Variants in CLCA2 observed in about 807,000 individuals in gnomAD.
The protein encoded by CLCA2 is chloride channel accessory 2.
A neutral mutation model predicts 82.9 loss-of-function variants in CLCA2; 85 were observed. The ratio of observed to expected loss-of-function variants is 1.03; its 90% CI spans 0.86 to 1.23. CLCA2 has a LOEUF of 1.23. Among genes scored for constraint, CLCA2 ranks in the 50% most tolerant of loss-of-function variants. CLCA2 has a pLI of 0.00. For synonymous variants in CLCA2, 421 were observed against 391.7 expected, an observed-to-expected ratio of 1.07 and a Z score of -0.88; for missense variants, 1,089 against 1,124.8, an observed-to-expected ratio of 0.97 and a Z score of 0.45.
chr1:86,441,461 A>G lies in CLCA2; in HGVS notation c.1406A>G (p.Asp469Gly). 1 of 1,607,982 alleles carries G rather than the reference A, an allele frequency of 6.2e-7. No individual in the cohort carries two copies. The highest frequency in any genetic ancestry group is 8.5e-7 in the Non-Finnish European group (1 of 1,175,384). ...GGAGGTTTAAAGTTCTTTGTTCCAG[A>G]TATATCAAACTCCAATAGCATGATT... ...LTGGLKFFVP[D>G]ISNSNSMIDA... Residue 469 changes from aspartate to glycine, a missense_variant, in exon 9 of 14, where the codon GAT (aspartate) becomes GGT (glycine). Transcript: ENST00000370565.
chr1:86,439,547 G>C (rs1381866590), intron 7 of CLCA2, among the ~76,000 whole-genome samples: 1 of 152,190 alleles, frequency 6.6e-6, no homozygotes, highest in Non-Finnish European at 1.5e-5. Flanking sequence ...ATTAAGGCCA[G>C]AAGTGTGTTT....
chr1:86,433,569 G>C (rs1428083206), intron 5 of CLCA2, among the ~76,000 whole-genome samples: 1 of 152,032 alleles, frequency 6.6e-6, no homozygotes, highest in East Asian at 1.9e-4. Context: ...CTATCTTCAC[G>C]ATGTTTTGAA....
At position 86,428,485 on chromosome 1, in the gene CLCA2, G is replaced by GAAA. The variant is rs1662431270; in HGVS notation, c.392_393insAAA (p.Gly131_Cys132insLys). On this transcript the variant is annotated inframe_insertion, in exon 3 of 14. Coordinates refer to ENST00000370565, the MANE Select transcript of CLCA2 (RefSeq NM_006536.7). ...GATCCATACACCCTACAATACAGAG[G>GAAA]GTGTGGAAAAGAGGGAAAATACATT... is the stretch of plus-strand genomic sequence containing the variant. The GAAA allele has an allele frequency of 6.2e-7, 1 of 1,613,548 alleles. No individual in the cohort carries two copies. The highest frequency in any genetic ancestry group is 1.3e-5 in the African/African-American group (1 of 74,856).
Position 86,455,447 on chromosome 1 carries a change from CTTA to C in CLCA2, c.2757_2759del (p.Ile920del). ...AATGGGTTTGATAGGAATCATTTGC[CTTA>C]TTATAGTTGTGACACATCATACTTT... On this transcript the variant is annotated inframe_deletion, in exon 14 of 14. Coordinates refer to ENST00000370565, the MANE Select transcript of CLCA2 (RefSeq NM_006536.7). 6.3e-7 allele frequency: 1 copy of C among 1,584,202 alleles called. No homozygotes were observed. The highest frequency in any genetic ancestry group is 1.2e-5 in the South Asian group (1 of 85,006).
chr1:86,439,051 C>T lies in CLCA2; in HGVS notation c.1148C>T (p.Thr383Ile), dbSNP rs754617820. The T allele has an allele frequency of 9.3e-6, 15 of 1,614,002 alleles. No homozygotes were observed. Among genetic ancestry groups the T allele is most frequent in the Admixed American group, 1.7e-5 (1 of 59,998 alleles). ...TTGCTGGTTTCATATCTGCCCACCA[C>T]TGTATCAGCTAAAACAGACATCAGC... ...RKLLVSYLPT[T>I]VSAKTDISIC... Residue 383 changes from threonine to isoleucine, a missense_variant, in exon 7 of 14, where the codon ACT becomes ATT. Thr to Ile is a moderately conservative substitution (Grantham distance 89, BLOSUM62 -1). Coordinates refer to ENST00000370565, the MANE Select transcript of CLCA2 (RefSeq NM_006536.7).
At position 86,440,030 on chromosome 1, in the gene CLCA2, T is replaced by C. The variant is rs181466627; in HGVS notation, c.1204-118T>C. 83 of 939,042 alleles carry C rather than the reference T, an allele frequency of 8.8e-5. No individual in the cohort carries two copies. In the East Asian group the frequency reaches 1.9e-3, roughly 22 times the overall value. The allele number at this position is 939,042 out of a possible 1,614,324, so 58.2% of individuals were successfully genotyped here. On this transcript the variant is annotated intron_variant, in intron 7 of 13. Transcript: ENST00000370565. ...GTGATGGGGTGAGGTAAAACTTGAG[T>C]GGAGATGGGCGTGGGGTGTAGGAGC...
At position 86,443,986 on chromosome 1, in the gene CLCA2, G is replaced by A. The variant is rs1298792225; in HGVS notation, c.1688G>A (p.Ser563Asn). The A allele has an allele frequency of 6.2e-7, 1 of 1,612,330 alleles. No homozygotes were observed. Among genetic ancestry groups the A allele is most frequent in the Non-Finnish European group, 8.5e-7 (1 of 1,178,384 alleles). ...ACCAATCTAACTTTTCGGACAGCTA[G>A]TCTTTGGATTCCAGGAACAGCTAAG... is the stretch of plus-strand genomic sequence containing the variant. ...FITNLTFRTA[S>N]LWIPGTAKPG... Residue 563 changes from serine (S) to asparagine (N), a missense_variant, in exon 10 of 14, where the codon AGT (serine) becomes AAT (asparagine). Transcript: ENST00000370565.
At chr1:86,447,376 T>A in intron 10 of CLCA2, 132 bp from the exon 11 acceptor site, 2 of 889,104 alleles carry the variant, frequency 2.2e-6, no homozygotes, top group Non-Finnish European at 3.5e-6. Context: ...TCCTGGCATC[T>A]TTTTGTAGTA....
intron 10 of CLCA2, among the ~76,000 whole-genome samples, chr1:86,444,879 T>TTTGTTGTTGTTGTTGTTGTTG (rs199948615): frequency 6.8e-6 from 1 of 148,020 alleles, no homozygotes; most frequent in Admixed American, 6.8e-5. Context: ...CACCCCCACT[T>TTTGTTGTTGTTGTTGTTGTTG]TTGTTGTTGT....
Position 86,425,422 on chromosome 1 carries a change from T to A in CLCA2, c.270T>A (p.Pro90=), listed in dbSNP as rs145716190. The A allele has an allele frequency of 7.2e-5, 113 of 1,570,406 alleles. No homozygotes were observed. The highest frequency in any genetic ancestry group is 8.0e-5 in the Non-Finnish European group (92 of 1,156,598). The change falls in exon 2 of 14, where the codon CCT becomes CCA. Residue 90 remains proline (P), a synonymous_variant. Transcript: ENST00000370565. ...VFFRNIKILI[P]ATWKANNNSK... ...TCAGAAATATAAAGATTTTAATACC[T>A]GCCACATGGAAAGCTAATAATAACA...
At chr1:86,445,146 C>T (rs1662823423) in intron 10 of CLCA2, among the ~76,000 whole-genome samples, 4 of 152,098 alleles carry the variant, frequency 2.6e-5, no homozygotes, top group African/African-American at 9.7e-5. Context: ...GATCTGCCTG[C>T]CTCTGCCTCC....
At chr1:86,450,455 A>G (rs770977369) in intron 11 of CLCA2, 108 bp from the exon 12 acceptor site, 66 of 778,940 alleles carry the variant, frequency 8.5e-5, no homozygotes, top group Non-Finnish European at 1.1e-4. Context: ...GCATGATAAT[A>G]TATCTTATAT....
At chr1:86,453,275 A>G in intron 12 of CLCA2, 94 bp from the exon 13 acceptor site, 1 of 849,402 alleles carries the variant, frequency 1.2e-6, no homozygotes, top group Non-Finnish European at 1.8e-6. Context: ...TAGTAAAGAA[A>G]AAAAGGTTTA....
chr1:86,443,184 A>G lies in CLCA2; in HGVS notation c.1489-603A>G, dbSNP rs887939092. On this transcript the variant is annotated intron_variant, in intron 9 of 13. Coordinates refer to ENST00000370565, the MANE Select transcript of CLCA2 (RefSeq NM_006536.7). ...TGGGATTACAGGCACATGCCACCAC[A>G]CCTGACTAATTTGTTGGTATTTTTA... Among the ~76,000 whole-genome samples, 6 of 152,098 alleles carry G rather than the reference A, an allele frequency of 3.9e-5. 1 individual carries two copies. In the South Asian group the frequency reaches 1.0e-3, roughly 26 times the overall value.
intron 10 of CLCA2, 76 bp downstream of exon 10, chr1:86,444,087 T>C: frequency 4.3e-6 from 4 of 936,350 alleles, no homozygotes; most frequent in Non-Finnish European, 6.7e-6. Flanking sequence ...CATGATTAAA[T>C]GCATTGTGTA....
At chr1:86,436,898 A>C (rs2101698462) in intron 6 of CLCA2, among the ~76,000 whole-genome samples, 1 of 152,242 alleles carries the variant, frequency 6.6e-6, no homozygotes, top group East Asian at 1.9e-4. Flanking sequence ...TTTTTAGTAG[A>C]GATGGGGTTT....
Position 86,424,333 on chromosome 1 carries a change from T to C in CLCA2, c.86T>C (p.Leu29Pro). The change falls in exon 1 of 14, where the codon CTG (leucine) becomes CCG (proline). Residue 29 changes from leucine to proline, a missense_variant. Leu to Pro is a moderately conservative substitution (Grantham distance 98). Coordinates refer to ENST00000370565, the MANE Select transcript of CLCA2 (RefSeq NM_006536.7). Reference sequence around the variant, plus strand: ...GCCTTAAGTTCAGAACTCCCATTCCTGGGAGCTGGAGTACAGCTTCAAGAC... The same window carrying C: ...GCCTTAAGTTCAGAACTCCCATTCCCGGGAGCTGGAGTACAGCTTCAAGAC... Reference protein sequence around the residue: ...LVALSSELPFLGAGVQLQDNG... With the variant: ...LVALSSELPFPGAGVQLQDNG... 1 of 1,614,008 alleles carries C rather than the reference T, an allele frequency of 6.2e-7. No homozygotes were observed. Among genetic ancestry groups the C allele is most frequent in the Non-Finnish European group, 8.5e-7 (1 of 1,179,928 alleles).
chr1:86,438,975 GGA>G lies in CLCA2; in HGVS notation c.1077_1078del (p.Glu359AspfsTer9). On this transcript the variant is annotated frameshift_variant, in exon 7 of 14. Coordinates refer to ENST00000370565, the MANE Select transcript of CLCA2 (RefSeq NM_006536.7). LOFTEE classifies it high-confidence loss of function. ...FVGIASFDSK[G>X]EIRAQLHQIN... ...GGGCATTGCCAGTTTCGACAGCAAA[GGA>G]GAGATCAGAGCCCAGCTACACCAAA... 1 of 1,614,126 alleles carries G rather than the reference GGA, an allele frequency of 6.2e-7. No individual in the cohort carries two copies. Among genetic ancestry groups the G allele is most frequent in the Non-Finnish European group, 8.5e-7 (1 of 1,180,004 alleles).
In CLCA2 at chr1:86,438,128, C is replaced by T. The variant is rs75476442; in HGVS notation, c.973-748C>T. Reference sequence around the variant, plus strand: ...TGTGAAATGCAGGTCTAGATCCACCCAGGAAGATGCTTGAGTTGGAGATAG... The same window carrying T: ...TGTGAAATGCAGGTCTAGATCCACCTAGGAAGATGCTTGAGTTGGAGATAG... On this transcript the variant is annotated intron_variant, in intron 6 of 13. Transcript: ENST00000370565. 7.3e-3 allele frequency among the ~76,000 whole-genome samples: 1,111 copies of T among 152,186 alleles called. 8 individuals are homozygous for T. Among genetic ancestry groups the T allele is most frequent in the African/African-American group, 0.026 (1,063 of 41,536 alleles).
Sources: gnomAD v4.1 joint callset for allele counts (sites outside exome capture counted in the v4.1 genomes callset) on GRCh38, gnomAD v4.1.1 for gene constraint, MANE v1.5 for transcripts, NCBI Gene and HGNC (gene_info 2026-07-23, HGNC 2026-07-21) for gene names.